The following PLA2G4D variants were observed in gnomAD, a reference collection of about 807,000 sequenced individuals.
PLA2G4D encodes phospholipase A2 group IVD.
PLA2G4D carries 80 observed loss-of-function variants against 94.4 expected under a neutral mutation model. The ratio of observed to expected loss-of-function variants is 0.85; its 90% confidence interval spans 0.71 to 1.02. The LOEUF (loss-of-function observed/expected upper bound fraction) is 1.02, where lower values mean the gene tolerates loss of function less well. Ranked by LOEUF, PLA2G4D falls within the 50% of genes least tolerant of loss-of-function variation. The probability of loss-of-function intolerance (pLI) is 0.00; values close to 1 mark genes in which losing one functional copy is unlikely to be tolerated. For missense variants in PLA2G4D, 1,050 were observed against 1,034.7 expected, an observed-to-expected ratio of 1.01 and a Z score of -0.20; for synonymous variants, 438 against 440.9, an observed-to-expected ratio of 0.99 and a Z score of 0.08.
intron 9 of PLA2G4D, among the ~76,000 whole-genome samples, 167 bp downstream of exon 9, chr15:42,082,112 A>T (rs1890049808): frequency 6.6e-6 from 1 of 151,872 alleles, no homozygotes; most frequent in Non-Finnish European, 1.5e-5. Flanking sequence ...TTGCATTTTT[A>T]GTAGAGATGG....
At chr15:42,077,627 C>A (rs1005747199) in intron 13 of PLA2G4D, among the ~76,000 whole-genome samples, 6 of 152,226 alleles carry the variant, frequency 3.9e-5, no homozygotes, top group Non-Finnish European at 7.3e-5. Context: ...TTTTAGATTA[C>A]AATAGTTCCA....
At position 42,087,694 on chromosome 15, in the gene PLA2G4D, C is replaced by A. The variant is rs201743053; in HGVS notation, c.52G>T (p.Ala18Ser). The A allele has an allele frequency of 3.7e-6, 6 of 1,614,096 alleles. No individual in the cohort carries two copies. The highest frequency in any genetic ancestry group is 5.1e-6 in the Non-Finnish European group (6 of 1,179,994). Residue 18 changes from alanine to serine, a missense_variant, in exon 2 of 20, where the codon GCC (alanine) becomes TCC (serine). Physicochemically the swap from Ala to Ser is moderately conservative, Grantham distance 99. Transcript: ENST00000290472. ...ACTGTGAGCTGCCAGCAGGTAGAGG[C>A]CTCCCCCTGAAGAGAAAATCAAACT... ...GPPGHPYQGE[A>S]STCWQLTVRV...
Position 42,071,178 on chromosome 15 carries a change from C to T in PLA2G4D, c.1821G>A (p.Gln607=). 1 of 1,613,628 alleles carries T rather than the reference C, an allele frequency of 6.2e-7. No individual in the cohort carries two copies. The highest frequency in any genetic ancestry group is 8.5e-7 in the Non-Finnish European group (1 of 1,179,826). Residue 607 remains glutamine (Q), a synonymous_variant, in exon 17 of 20, where the codon CAG becomes CAA. Coordinates refer to ENST00000290472, the MANE Select transcript of PLA2G4D (RefSeq NM_178034.4). The part of the protein sequence containing the change: ...PLHQRSPNFL[Q]GLQLHQDYCS... ...AGTAGTCCTGGTGCAGCTGGAGGCC[C>T]TGGAGGAAGTTGGGGCTGCGCTGGT...
At chr15:42,072,174 G>C in intron 14 of PLA2G4D, 101 bp downstream of exon 14, 1 of 1,155,282 alleles carries the variant, frequency 8.7e-7, no homozygotes, top group South Asian at 1.4e-5. Flanking sequence ...GGAACATTGG[G>C]CAATCTGTGC....
rs776767590 is a variant in PLA2G4D, at chr15:42,071,301, G to A, written c.1698C>T (p.Thr566=). 13 of 1,586,398 alleles carry A rather than the reference G, an allele frequency of 8.2e-6. No individual in the cohort carries two copies. The African/African-American group carries it at 1.1e-4, about 13-fold the overall frequency. The change falls in exon 17 of 20, where the codon ACC becomes ACT. Residue 566 remains threonine (T), a synonymous_variant. Transcript: ENST00000290472. ...KTRSLEKEPL[T]TSGTSSRLEA... ...CCAGCCGCGAGGAGGTCCCCGAGGT[G>A]GTCAGGGGCTCCTTCTCTGAAGCCA... is the stretch of plus-strand genomic sequence containing the variant.
chr15:42,071,301 G>T lies in PLA2G4D; in HGVS notation c.1698C>A (p.Thr566=). The change falls in exon 17 of 20, where the codon ACC becomes ACA. Residue 566 remains threonine (T), a synonymous_variant. Coordinates refer to ENST00000290472, the MANE Select transcript of PLA2G4D (RefSeq NM_178034.4). ...KTRSLEKEPL[T]TSGTSSRLEA... is the part of the protein sequence containing the mutation. ...CCAGCCGCGAGGAGGTCCCCGAGGT[G>T]GTCAGGGGCTCCTTCTCTGAAGCCA... 1.9e-6 allele frequency: 3 copies of T among 1,586,514 alleles called. No individual in the cohort carries two copies. The highest frequency in any genetic ancestry group is 2.6e-6 in the Non-Finnish European group (3 of 1,169,990).
At chr15:42,087,976 G>C (rs1012226024) in intron 1 of PLA2G4D, among the ~76,000 whole-genome samples, 1 of 152,228 alleles carries the variant, frequency 6.6e-6, no homozygotes, top group African/African-American at 2.4e-5. Context: ...GAGCAACATG[G>C]GTAGTGGACA....
intron 15 of PLA2G4D, 100 bp from the exon 16 acceptor site, chr15:42,071,651 T>G (rs1889821601): frequency 5.6e-6 from 8 of 1,435,084 alleles, no homozygotes; most frequent in Non-Finnish European, 7.7e-6. Context: ...ACCCCTACAA[T>G]GCATCCCCCC....
chr15:42,071,403 C>T (rs1889813544), intron 16 of PLA2G4D, 41 bp downstream of exon 16: 1 of 1,581,378 alleles, frequency 6.3e-7, no homozygotes, highest in South Asian at 1.1e-5. Flanking sequence ...TCTAAAGGAA[C>T]AGCGTCATCC....
Position 42,070,806 on chromosome 15 carries a change from T to G in PLA2G4D, c.1954A>C (p.Ile652Leu). 6.2e-7 allele frequency: 1 copy of G among 1,608,558 alleles called. No individual in the cohort carries two copies. Among genetic ancestry groups the G allele is most frequent in the Non-Finnish European group, 8.5e-7 (1 of 1,177,528 alleles). The change falls in exon 18 of 20, where the codon ATC becomes CTC. Residue 652 changes from isoleucine (I) to leucine (L), a missense_variant. Transcript: ENST00000290472. ...AACATGGAGGGAGAGCTGGTGTTGA[T>G]GAAGTAGGCGGCGTCCACCAGGCAG... ...RLCLVDAAYFINTSSPSMFRP... is the reference protein window; with the variant it reads ...RLCLVDAAYFLNTSSPSMFRP...
chr15:42,088,054 C>T (rs1253989660), intron 1 of PLA2G4D, among the ~76,000 whole-genome samples: 1 of 152,210 alleles, frequency 6.6e-6, no homozygotes, highest in African/African-American at 2.4e-5. Context: ...ATTCCCAGAG[C>T]TCCCAGGGAG....
intron 13 of PLA2G4D, among the ~76,000 whole-genome samples, chr15:42,078,040 T>G (rs1381501629): frequency 2.0e-5 from 3 of 152,258 alleles, no homozygotes; most frequent in Non-Finnish European, 4.4e-5. Context: ...CTGAATAATC[T>G]ACTCCTTAAT....
intron 1 of PLA2G4D, among the ~76,000 whole-genome samples, chr15:42,092,601 AC>A (rs1318198524): frequency 6.6e-6 from 1 of 152,036 alleles, no homozygotes; most frequent in Non-Finnish European, 1.5e-5. Context: ...TTGATGACTA[AC>A]CCGGAGGCTT....
chr15:42,086,106 A>G, intron 4 of PLA2G4D, 107 bp downstream of exon 4: 2 of 1,232,792 alleles, frequency 1.6e-6, no homozygotes, highest in Non-Finnish European at 2.2e-6. Flanking sequence ...TTTTCTGTGA[A>G]TGAGTTCACC....
rs746340363 is a variant in PLA2G4D, at chr15:42,079,638, C to T, written c.1216G>A (p.Ala406Thr). 1 of 1,612,644 alleles carries T rather than the reference C, an allele frequency of 6.2e-7. No homozygotes were observed. The highest frequency in any genetic ancestry group is 8.5e-7 in the Non-Finnish European group (1 of 1,179,376). Residue 406 changes from alanine to threonine, a missense_variant, in exon 13 of 20, where the codon GCG becomes ACG. Ala to Thr is a moderately conservative substitution (Grantham distance 58, BLOSUM62 0). Coordinates refer to ENST00000290472, the MANE Select transcript of PLA2G4D (RefSeq NM_178034.4). ...AGCTCCAGCTCCCGGCGGTAGCTCG[C>T]CAGGCGCTCTGGGGAAAAGACCTCC... is the stretch of plus-strand genomic sequence containing the variant. ...KLEVFSPERL[A>T]SYRRELELRA... is the part of the protein sequence containing the mutation.
At position 42,094,454 on chromosome 15, in the gene PLA2G4D, C is replaced by G. The variant is rs148416017; in HGVS notation, c.6G>C (p.Glu2Asp). MESLSPGGPPGH... is the reference protein window; with the variant it reads MDSLSPGGPPGH... ...CAGGTGGTCCCCCAGGTGACAGGCT[C>G]TCCATGCTAGCCCTTCCAGCTTCAC... Residue 2 changes from glutamate to aspartate, a missense_variant, in exon 1 of 20, where the codon GAG becomes GAC. Transcript: ENST00000290472. 6.2e-6 allele frequency: 10 copies of G among 1,614,150 alleles called. No individual in the cohort carries two copies. The highest frequency in any genetic ancestry group is 3.3e-5 in the Admixed American group (2 of 60,026).
At chr15:42,088,464 C>A (rs575054998) in intron 1 of PLA2G4D, among the ~76,000 whole-genome samples, 3 of 152,284 alleles carry the variant, frequency 2.0e-5, no homozygotes, top group Admixed American at 6.5e-5. Context: ...CTGCTGGGGT[C>A]AGAGCACTGG....
intron 5 of PLA2G4D, 110 bp from the exon 6 acceptor site, chr15:42,085,248 G>C (rs939866396): frequency 1.2e-5 from 16 of 1,316,720 alleles, no homozygotes; most frequent in Admixed American, 1.8e-5. Context: ...TCCTGGATTC[G>C]GTTCAGGGAC....
intron 17 of PLA2G4D, 70 bp from the exon 18 acceptor site, chr15:42,070,953 C>A: frequency 6.4e-7 from 1 of 1,551,822 alleles, no homozygotes; most frequent in East Asian, 2.3e-5. Flanking sequence ...CTTCTCTCCT[C>A]TGGGTCACTC....
Sources: allele counts gnomAD v4.1 joint callset (sites outside exome capture counted in the v4.1 genomes callset), GRCh38; gene constraint gnomAD v4.1.1; transcripts MANE v1.5; gene names NCBI Gene and HGNC (gene_info 2026-07-23, HGNC 2026-07-21).